PALD1: variants seen among roughly 807,000 people sequenced by gnomAD.
The protein encoded by PALD1 is phosphatase domain containing paladin 1.
PALD1 carries 57 observed loss-of-function variants against 96.0 expected under a neutral mutation model. That is an observed-to-expected ratio of 0.59 (90% CI 0.48 to 0.74). PALD1 has a LOEUF of 0.74. PALD1 is among the 30% of genes least tolerant of loss of function. The probability of loss-of-function intolerance (pLI) is 0.00; values close to 1 mark genes in which losing one functional copy is unlikely to be tolerated. For synonymous variants in PALD1, 464 were observed against 473.6 expected (o/e 0.98, Z 0.26); for missense variants, 1,063 against 1,143.7 (o/e 0.93, Z 1.02).
chr10:70,534,681 T>A, intron 9 of PALD1, 58 bp from the exon 10 acceptor site: 1 of 1,324,928 alleles, frequency 7.5e-7, no homozygotes, highest in Non-Finnish European at 1.1e-6. Flanking sequence ...CCGTTCTGCC[T>A]TGACCCTGCT....
intron 1 of PALD1, among the ~76,000 whole-genome samples, chr10:70,517,810 G>T (rs1290209337): frequency 6.6e-6 from 1 of 152,076 alleles, no homozygotes; most frequent in East Asian, 1.9e-4. Flanking sequence ...CAGTGTAAGT[G>T]TCTGGGGCTT....
In PALD1 at chr10:70,539,063, G is replaced by A. The variant is rs557144851; in HGVS notation, c.1570-29G>A. Reference sequence around the variant, plus strand: ...AGTGGGTTTGGGGAGGGAGGGCTGAGCACTCACTGCCGGCCCTCCTGTGCC... The same window carrying A: ...AGTGGGTTTGGGGAGGGAGGGCTGAACACTCACTGCCGGCCCTCCTGTGCC... On this transcript the variant is annotated intron_variant, in intron 13 of 19. Coordinates refer to ENST00000263563, the MANE Select transcript of PALD1 (RefSeq NM_014431.3). The surrounding 1 kb of genome is among the most constrained non-coding windows in gnomAD (Gnocchi z 4.5). 12 of 1,613,642 alleles carry A rather than the reference G, an allele frequency of 7.4e-6. No individual in the cohort carries two copies. In the African/African-American group the frequency reaches 1.6e-4, roughly 21 times the overall value.
chr10:70,547,755 A>C (rs1237060753), intron 18 of PALD1, among the ~76,000 whole-genome samples: 1 of 152,098 alleles, frequency 6.6e-6, no homozygotes, highest in Non-Finnish European at 1.5e-5. Context: ...CAGAGTGAAC[A>C]CCCAGGAGCC....
intron 2 of PALD1, among the ~76,000 whole-genome samples, chr10:70,528,272 T>G (rs1589196823): frequency 1.3e-5 from 2 of 152,202 alleles, no homozygotes; most frequent in Non-Finnish European, 2.9e-5. Flanking sequence ...TAAATCTTGT[T>G]TGAGTGTTTG....
intron 18 of PALD1, among the ~76,000 whole-genome samples, chr10:70,554,301 C>T (rs1847545194): frequency 6.6e-6 from 1 of 152,134 alleles, no homozygotes; most frequent in Non-Finnish European, 1.5e-5. Flanking sequence ...TGGTGGCGCA[C>T]ACCTGTAATC....
In PALD1 at chr10:70,539,686, G is replaced by C; in HGVS notation, c.1832G>C (p.Ser611Thr). The C allele has an allele frequency of 6.2e-7, 1 of 1,613,748 alleles. No homozygotes were observed. The highest frequency in any genetic ancestry group is 8.5e-7 in the Non-Finnish European group (1 of 1,179,856). Reference sequence around the variant, plus strand: ...TGCCTTACCATGCAGGAGGTCTTCAGCCAGCACCGCAGGGCCTGTCCTGGC... The same window carrying C: ...TGCCTTACCATGCAGGAGGTCTTCACCCAGCACCGCAGGGCCTGTCCTGGC... ...QTCLTMQEVF[S>T]QHRRACPGLT... Residue 611 changes from serine to threonine, a missense_variant, in exon 15 of 20, where the codon AGC becomes ACC. Transcript: ENST00000263563. This position sits in a 1 kb window ranked among gnomAD's most constrained non-coding sequence, Gnocchi z 4.5.
chr10:70,468,475 C>G, the PALD1 span, among the ~76,000 whole-genome samples: 1 of 152,072 alleles, frequency 6.6e-6, no homozygotes, highest in Non-Finnish European at 1.5e-5. Context: ...AACTCCTGAC[C>G]TCAGGTGATC....
intron 1 of PALD1, among the ~76,000 whole-genome samples, chr10:70,479,802 C>T (rs1297938324): frequency 6.6e-6 from 1 of 152,256 alleles, no homozygotes; most frequent in Non-Finnish European, 1.5e-5. Context: ...TAACCTGAAC[C>T]CAGTGGCCGA....
At chr10:70,465,277 A>G in the PALD1 span, among the ~76,000 whole-genome samples, 1 of 152,142 alleles carries the variant, frequency 6.6e-6, no homozygotes, top group Non-Finnish European at 1.5e-5. Flanking sequence ...CCCGGCCTCT[A>G]CATACACTTT....
chr10:70,524,265 CT>C (rs1846806477), intron 1 of PALD1, among the ~76,000 whole-genome samples: 1 of 152,186 alleles, frequency 6.6e-6, no homozygotes, highest in Non-Finnish European at 1.5e-5. Flanking sequence ...ATCCCCAGTC[CT>C]GGACCATCAG....
chr10:70,564,007 G>A (rs535430913), intron 18 of PALD1, among the ~76,000 whole-genome samples: 14 of 152,280 alleles, frequency 9.2e-5, no homozygotes, highest in Admixed American at 5.9e-4. Flanking sequence ...CCTGGGCATC[G>A]GTCCTGCCGT....
intron 1 of PALD1, among the ~76,000 whole-genome samples, chr10:70,487,707 A>C (rs933418763): frequency 1.3e-4 from 20 of 151,994 alleles, no homozygotes; most frequent in African/African-American, 4.4e-4. Flanking sequence ...AAAAAAAAAA[A>C]CAAAAAAACA....
chr10:70,499,729 G>C (rs1344807386), intron 1 of PALD1, among the ~76,000 whole-genome samples: 1 of 152,238 alleles, frequency 6.6e-6, no homozygotes, highest in Non-Finnish European at 1.5e-5. Flanking sequence ...AGCCACAGCT[G>C]GCAGGTGCAG....
chr10:70,561,763 C>A lies in PALD1; in HGVS notation c.2263-2601C>A, dbSNP rs75144286. ...CGCCATGAGCTCCTCCCACTCTGCC[C>A]ACCCTGGGAGGGGGTTCCCTGGGGA... On this transcript the variant is annotated intron_variant, in intron 18 of 19. Transcript: ENST00000263563. Among the ~76,000 whole-genome samples the A allele has an allele frequency of 3.5e-3, 536 of 152,282 alleles. 3 individuals carry two copies. The highest frequency in any genetic ancestry group is 0.012 in the African/African-American group (518 of 41,546).
At chr10:70,509,354 G>A (rs573751772) in intron 1 of PALD1, among the ~76,000 whole-genome samples, 35 of 152,340 alleles carry the variant, frequency 2.3e-4, no homozygotes, top group Middle Eastern at 6.8e-3. Context: ...TCACCTGCTT[G>A]ATGGGACAGT....
At chr10:70,462,349 A>G in the PALD1 span, among the ~76,000 whole-genome samples, 1 of 152,232 alleles carries the variant, frequency 6.6e-6, no homozygotes, top group Non-Finnish European at 1.5e-5. Context: ...TTTCTTAACT[A>G]ATCTATGCCT....
intron 17 of PALD1, among the ~76,000 whole-genome samples, chr10:70,544,921 G>A (rs1418101578): frequency 1.3e-5 from 2 of 152,216 alleles, no homozygotes; most frequent in South Asian, 2.1e-4. Flanking sequence ...CCAGCACCAG[G>A]CCAGGACTCT....
chr10:70,523,470 A>C (rs1846782947), intron 1 of PALD1, among the ~76,000 whole-genome samples: 1 of 151,954 alleles, frequency 6.6e-6, no homozygotes, highest in African/African-American at 2.4e-5. Flanking sequence ...AAGTTTGATG[A>C]GGGCCGTTTG....
Position 70,540,977 on chromosome 10 carries a change from G to A in PALD1, c.1909-125G>A. 9.3e-7 allele frequency: 1 copy of A among 1,075,268 alleles called. No individual in the cohort carries two copies. Among genetic ancestry groups the A allele is most frequent in the South Asian group, 1.5e-5 (1 of 65,006 alleles). The allele number at this position is 1,075,268 out of a possible 1,614,324, so 66.6% of individuals were successfully genotyped here. ...CGGTGAGTTTTGTTTGTGTGTGCAAGCTTGGGAGCCTGACAATTTCTGGCC... is the reference window on the plus strand; with the variant it reads ...CGGTGAGTTTTGTTTGTGTGTGCAAACTTGGGAGCCTGACAATTTCTGGCC... On this transcript the variant is annotated intron_variant, in intron 15 of 19. Coordinates refer to ENST00000263563, the MANE Select transcript of PALD1 (RefSeq NM_014431.3). This position sits in a 1 kb window ranked among gnomAD's most constrained non-coding sequence, Gnocchi z 4.2.
Sources: gnomAD v4.1 joint callset for allele counts (sites outside exome capture counted in the v4.1 genomes callset) on GRCh38, gnomAD v4.1.1 for gene constraint, Gnocchi (gnomAD v3.1) non-coding constraint, MANE v1.5 for transcripts, NCBI Gene and HGNC (gene_info 2026-07-23, HGNC 2026-07-21) for gene names.